Variants in EPN2 observed in about 807,000 individuals in gnomAD.
EPN2 encodes epsin 2, also known as epsin-2.
EPN2 carries 34 observed loss-of-function variants against 61.7 expected under a neutral mutation model. The ratio of observed to expected loss-of-function variants is 0.55; its 90% CI spans 0.42 to 0.73. The LOEUF is 0.73. Ranked by LOEUF, EPN2 falls within the 30% of genes least tolerant of loss-of-function variation. The probability of loss-of-function intolerance (pLI) is 0.00; values close to 1 mark genes in which losing one functional copy is unlikely to be tolerated. For synonymous variants in EPN2, 349 were observed against 353.6 expected (o/e 0.99, Z 0.15); for missense variants, 714 against 839.2 (o/e 0.85, Z 1.84).
At position 19,335,394 on chromosome 17, in the gene EPN2, T is replaced by C; in HGVS notation, c.*1140T>C. On this transcript the variant is annotated 3_prime_UTR_variant, in exon 11 of 11. Transcript: ENST00000314728. ...CAATTTTTATCAACTAATTCCTTTT[T>C]TTTATTAAAGGCATGCAGGGATTAA... 1 of 1,547,902 alleles carries C rather than the reference T, an allele frequency of 6.5e-7. No homozygotes were observed. The highest frequency in any genetic ancestry group is 8.7e-7 in the Non-Finnish European group (1 of 1,145,740).
At chr17:19,248,000 G>A (rs1337995749) in intron 1 of EPN2, among the ~76,000 whole-genome samples, 1 of 152,186 alleles carries the variant, frequency 6.6e-6, no homozygotes, top group Non-Finnish European at 1.5e-5. Context: ...TCAAGGGGGA[G>A]CCAGTAATTT....
chr17:19,299,797 A>G (rs1406054717), intron 4 of EPN2, among the ~76,000 whole-genome samples: 3 of 152,086 alleles, frequency 2.0e-5, no homozygotes, highest in African/African-American at 4.8e-5. Flanking sequence ...TAACGTGGTC[A>G]TTGTTGGGGC....
chr17:19,288,387 T>C (rs2045426098), intron 4 of EPN2, among the ~76,000 whole-genome samples: 1 of 152,258 alleles, frequency 6.6e-6, no homozygotes, highest in African/African-American at 2.4e-5. Flanking sequence ...TTATTCAGCA[T>C]GTTATGTAAT....
At chr17:19,282,921 G>T (rs1055452248) in intron 2 of EPN2, 29 bp from the exon 3 acceptor site, 1 of 546,090 alleles carries the variant, frequency 1.8e-6, no homozygotes, top group Non-Finnish European at 3.2e-6. Context: ...GGCTTACGTC[G>T]CAGTGGAATG....
At chr17:19,307,199 C>G (rs145977090) in intron 4 of EPN2, among the ~76,000 whole-genome samples, 1 of 152,272 alleles carries the variant, frequency 6.6e-6, no homozygotes, top group African/African-American at 2.4e-5. Context: ...TTTCTTTACC[C>G]TCTAGCTTTA....
chr17:19,290,700 CAAAAAAA>C (rs757256478), intron 4 of EPN2, among the ~76,000 whole-genome samples: 1,188 of 41,002 alleles, frequency 0.029, 45 homozygotes, highest in Middle Eastern at 0.06. Context: ...TTCCCGTTCT[CAAAAAAA>C]AAAAAAAAGA....
rs1907362737 is a variant in EPN2 at position 19,335,426 on chromosome 17, T to C, written c.*1172T>C. The C allele has an allele frequency of 6.5e-7, 1 of 1,550,152 alleles. No individual in the cohort carries two copies. Among genetic ancestry groups the C allele is most frequent in the East Asian group, 2.4e-5 (1 of 40,934 alleles). ...AAAGGCATGCAGGGATTAACAGGACTTCTGTTTACAATGGAAATCTGAAAT... is the reference window on the plus strand; with the variant it reads ...AAAGGCATGCAGGGATTAACAGGACCTCTGTTTACAATGGAAATCTGAAAT... On this transcript the variant is annotated 3_prime_UTR_variant, in exon 11 of 11. Transcript: ENST00000314728.
intron 7 of EPN2, among the ~76,000 whole-genome samples, chr17:19,315,166 C>T (rs1180443988): frequency 1.3e-5 from 2 of 152,198 alleles, no homozygotes; most frequent in Non-Finnish European, 2.9e-5. Flanking sequence ...AGACAAAAAT[C>T]TCAAAATATC....
At chr17:19,242,563 A>G (rs745565141) in intron 1 of EPN2, among the ~76,000 whole-genome samples, 2 of 152,210 alleles carry the variant, frequency 1.3e-5, no homozygotes, top group Non-Finnish European at 2.9e-5. Flanking sequence ...GTTCCTGGGC[A>G]TAGAAAGTCC....
chr17:19,269,388 G>A (rs1367149797), intron 1 of EPN2, among the ~76,000 whole-genome samples: 1 of 152,188 alleles, frequency 6.6e-6, no homozygotes, highest in Admixed American at 6.5e-5. Context: ...TTCCTGAGTG[G>A]TATTTCAGAT....
At chr17:19,290,029 T>C (rs1290019985) in intron 4 of EPN2, among the ~76,000 whole-genome samples, 1 of 152,068 alleles carries the variant, frequency 6.6e-6, no homozygotes, top group East Asian at 1.9e-4. Context: ...CCTCTGGCAC[T>C]CATGTTTACT....
chr17:19,239,030 T>A, intron 1 of EPN2, among the ~76,000 whole-genome samples: 1 of 152,226 alleles, frequency 6.6e-6, no homozygotes, highest in Non-Finnish European at 1.5e-5. Flanking sequence ...TAATTAAGTT[T>A]TCATCTGTAT....
At chr17:19,333,794 G>A (rs1322913529) in intron 10 of EPN2, among the ~76,000 whole-genome samples, 162 bp from the exon 11 acceptor site, 1 of 152,208 alleles carries the variant, frequency 6.6e-6, no homozygotes, top group Non-Finnish European at 1.5e-5. Flanking sequence ...GATTCATGCA[G>A]TCAGCAGATA....
intron 4 of EPN2, among the ~76,000 whole-genome samples, chr17:19,300,197 A>G (rs2034615761): frequency 6.6e-6 from 1 of 152,168 alleles, no homozygotes; most frequent in African/African-American, 2.4e-5. Flanking sequence ...TTTCTTAGAA[A>G]GAAACAGGGA....
At position 19,309,907 on chromosome 17, in the gene EPN2, C is replaced by G. The variant is rs369980154; in HGVS notation, c.789C>G (p.Ser263=). Residue 263 remains serine, a synonymous_variant, in exon 5 of 11, where the codon TCC becomes TCG. Transcript: ENST00000314728. Reference sequence around the variant, plus strand: ...CAGCCACCTCCCCGCGAGTGTCCTCCGAGCTGGAGCAAGCCCGGCCCCAGA... The same window carrying G: ...CAGCCACCTCCCCGCGAGTGTCCTCGGAGCTGGAGCAAGCCCGGCCCCAGA... ...AARATSPRVS[S]ELEQARPQTS... is the part of the protein sequence containing the mutation. 1 of 1,608,328 alleles carries G rather than the reference C, an allele frequency of 6.2e-7. No homozygotes were observed. The highest frequency in any genetic ancestry group is 8.5e-7 in the Non-Finnish European group (1 of 1,180,004).
chr17:19,330,332 G>T (rs1907100232), intron 9 of EPN2, among the ~76,000 whole-genome samples: 1 of 152,042 alleles, frequency 6.6e-6, no homozygotes, highest in African/African-American at 2.4e-5. Context: ...GGCTTCTGCT[G>T]CTTGCCTCCC....
At chr17:19,254,911 G>A (rs1438701422) in intron 1 of EPN2, among the ~76,000 whole-genome samples, 5 of 152,146 alleles carry the variant, frequency 3.3e-5, no homozygotes, top group African/African-American at 7.2e-5. Context: ...TTTGTCTTAC[G>A]TTTGCATTGT....
chr17:19,290,700 CAAAA>C (rs757256478), intron 4 of EPN2, among the ~76,000 whole-genome samples: 2 of 41,010 alleles, frequency 4.9e-5, no homozygotes, highest in Non-Finnish European at 1.1e-4. Flanking sequence ...TTCCCGTTCT[CAAAA>C]AAAAAAAAAA....
intron 1 of EPN2, among the ~76,000 whole-genome samples, chr17:19,254,910 C>G (rs758281235): frequency 6.6e-6 from 1 of 152,126 alleles, no homozygotes; most frequent in African/African-American, 2.4e-5. Flanking sequence ...CTTTGTCTTA[C>G]GTTTGCATTG....
Sources: gnomAD v4.1 joint callset for allele counts (sites outside exome capture counted in the v4.1 genomes callset) on GRCh38, gnomAD v4.1.1 for gene constraint, MANE v1.5 for transcripts, NCBI Gene and HGNC (gene_info 2026-07-23, HGNC 2026-07-21) for gene names.